The following CHD1L variants were observed in gnomAD, a reference collection of about 807,000 sequenced individuals.
CHD1L encodes chromodomain helicase DNA binding protein 1 like.
In CHD1L, 118 loss-of-function variants were observed where a neutral mutation model predicts 115.9. The ratio of observed to expected loss-of-function variants is 1.02; its 90% CI spans 0.88 to 1.19. The LOEUF (loss-of-function observed/expected upper bound fraction) is 1.19, where lower values mean the gene tolerates loss of function less well. Among genes scored for constraint, CHD1L ranks in the 50% most tolerant of loss-of-function variants. The pLI is 0.00. For missense variants in CHD1L, 1,179 were observed against 1,065.3 expected, an observed-to-expected ratio of 1.11 and a Z score of -1.49; for synonymous variants, 411 against 387.1, an observed-to-expected ratio of 1.06 and a Z score of -0.72.
At chr1:147,288,359 T>C (rs1314770811) in intron 19 of CHD1L, among the ~76,000 whole-genome samples, 2 of 80,066 alleles carry the variant, frequency 2.5e-5, no homozygotes, top group Non-Finnish European at 5.3e-5. Flanking sequence ...AAAAGAGAAC[T>C]ATTGGAATAA....
At chr1:147,294,362 A>C in intron 21 of CHD1L, 47 bp from the exon 22 acceptor site, 3 of 1,377,454 alleles carry the variant, frequency 2.2e-6, no homozygotes, top group Non-Finnish European at 3.0e-6. Context: ...TATACCCATC[A>C]ATCAATTTTT....
At chr1:147,265,858 T>C (rs1461617798) in intron 7 of CHD1L, 74 bp from the exon 8 acceptor site, 108 of 1,360,584 alleles carry the variant, frequency 7.9e-5, no homozygotes, top group Non-Finnish European at 8.5e-5. Context: ...AATAAATTTC[T>C]TTAAGTTCTC....
intron 2 of CHD1L, among the ~76,000 whole-genome samples, chr1:147,253,727 G>A (rs1182509552): frequency 1.3e-5 from 2 of 152,142 alleles, no homozygotes; most frequent in African/African-American, 4.8e-5. Context: ...TGAACTTATG[G>A]GCTCAAGTGA....
intron 19 of CHD1L, among the ~76,000 whole-genome samples, chr1:147,289,066 G>A (rs1352981703): frequency 5.3e-5 from 8 of 152,152 alleles, no homozygotes; most frequent in African/African-American, 1.7e-4. Flanking sequence ...AACTTAGAAT[G>A]ACTACTTTTT....
chr1:147,193,541 T>C, the CHD1L span, among the ~76,000 whole-genome samples: 1 of 152,158 alleles, frequency 6.6e-6, no homozygotes, highest in Non-Finnish European at 1.5e-5. Flanking sequence ...TTTCTTGCCT[T>C]CTTCTAGCTT....
the CHD1L span, chr1:147,187,284 T>C: frequency 2.7e-6 from 4 of 1,466,790 alleles, no homozygotes; most frequent in Non-Finnish European, 3.7e-6. Flanking sequence ...CTGTCAATAA[T>C]TCAATCAGTC....
chr1:147,269,775 C>T (rs782804270), intron 10 of CHD1L, among the ~76,000 whole-genome samples: 8 of 151,810 alleles, frequency 5.3e-5, no homozygotes, highest in African/African-American at 1.2e-4. Flanking sequence ...CTAGAGGAGT[C>T]TAGGAAAAGC....
the CHD1L span, chr1:147,178,716 T>A: frequency 6.4e-7 from 1 of 1,569,860 alleles, no homozygotes; most frequent in African/African-American, 1.4e-5. Context: ...ATAACGGAGA[T>A]GGTATCATCT....
At chr1:147,217,100 C>T in the CHD1L span, among the ~76,000 whole-genome samples, 6 of 152,000 alleles carry the variant, frequency 3.9e-5, no homozygotes, top group African/African-American at 9.7e-5. Flanking sequence ...ATTAGCCGGG[C>T]GTGGTGGCGC....
chr1:147,179,169 C>T, the CHD1L span: 2 of 1,613,880 alleles, frequency 1.2e-6, no homozygotes, highest in Non-Finnish European at 1.7e-6. Flanking sequence ...TGGAGAGGTT[C>T]CTGCAGGATT....
At chr1:147,194,448 T>C in the CHD1L span, among the ~76,000 whole-genome samples, 14 of 152,184 alleles carry the variant, frequency 9.2e-5, no homozygotes, top group East Asian at 1.9e-4. Flanking sequence ...TGTTGGGTCT[T>C]GACTCTTTAT....
the CHD1L span, chr1:147,187,247 T>C: frequency 6.3e-7 from 1 of 1,579,840 alleles, no homozygotes; most frequent in Non-Finnish European, 8.6e-7. Flanking sequence ...TCCACATACC[T>C]AAAGTAGAAA....
chr1:147,236,585 C>G, the CHD1L span, among the ~76,000 whole-genome samples: 1 of 152,100 alleles, frequency 6.6e-6, no homozygotes, highest in Non-Finnish European at 1.5e-5. Context: ...AGAGGAGACC[C>G]TGGAGTGGGT....
chr1:147,249,966 C>G (rs375833919), intron 1 of CHD1L, among the ~76,000 whole-genome samples: 19 of 151,860 alleles, frequency 1.3e-4, no homozygotes, highest in African/African-American at 4.3e-4. Context: ...TTCACTGATT[C>G]TTTCCTCACT....
At position 147,252,711 on chromosome 1, in the gene CHD1L, G is replaced by A; in HGVS notation, c.216G>A (p.Glu72=). ...HCQNGCILGD[E]MGLGKTCQTI... Reference sequence around the variant, plus strand: ...AGAATGGCTGTATCCTGGGAGATGAGATGGGCCTGGGGAAGACCTGCCAGG... The same window carrying A: ...AGAATGGCTGTATCCTGGGAGATGAAATGGGCCTGGGGAAGACCTGCCAGG... Residue 72 remains glutamate (E), a synonymous_variant, in exon 2 of 23, where the codon GAG becomes GAA. Coordinates refer to ENST00000369258, the MANE Select transcript of CHD1L (RefSeq NM_004284.6). The A allele has an allele frequency of 6.2e-7, 1 of 1,614,042 alleles. No individual in the cohort carries two copies. The highest frequency in any genetic ancestry group is 8.5e-7 in the Non-Finnish European group (1 of 1,179,992).
At chr1:147,227,307 A>G in the CHD1L span, among the ~76,000 whole-genome samples, 72,620 of 152,090 alleles carry the variant, frequency 0.48, 18,824 homozygotes, top group East Asian at 0.72. Context: ...TTTTGAATGC[A>G]CTAGAAGAAA....
At chr1:147,218,206 G>T in the CHD1L span, among the ~76,000 whole-genome samples, 1 of 151,460 alleles carries the variant, frequency 6.6e-6, no homozygotes, top group South Asian at 2.1e-4. Context: ...CAAAATAGAT[G>T]AATGGTTTAG....
intron 20 of CHD1L, 84 bp from the exon 21 acceptor site, chr1:147,293,524 G>C: frequency 9.1e-7 from 1 of 1,096,992 alleles, no homozygotes; most frequent in East Asian, 2.4e-5. Context: ...ACCCATCAAG[G>C]GCTGTGCCGC....
At chr1:147,240,210 G>A (rs1664733912), upstream of CHD1L, among the ~76,000 whole-genome samples, 1 of 152,218 alleles carries the variant, frequency 6.6e-6, no homozygotes, top group Admixed American at 6.5e-5. Context: ...GCCTTGAGAT[G>A]CTGTTAATCT....
Sources: allele counts gnomAD v4.1 joint callset (sites outside exome capture counted in the v4.1 genomes callset), GRCh38; gene constraint gnomAD v4.1.1; transcripts MANE v1.5; gene names NCBI Gene and HGNC (gene_info 2026-07-23, HGNC 2026-07-21).